Variants in BCAS3 observed in about 807,000 individuals in gnomAD.
BCAS3 encodes the protein BCAS4/BCAS3 fusion.
BCAS3 carries 53 observed loss-of-function variants against 116.1 expected under a neutral mutation model. The ratio of observed to expected loss-of-function variants is 0.46; its 90% CI spans 0.37 to 0.57. The LOEUF (loss-of-function observed/expected upper bound fraction) is 0.57, where lower values mean the gene tolerates loss of function less well. Ranked by LOEUF, BCAS3 falls within the 20% of genes least tolerant of loss-of-function variation. BCAS3 has a pLI of 0.00. For synonymous variants in BCAS3, 391 were observed against 408.2 expected, an observed-to-expected ratio of 0.96 and a Z score of 0.51; for missense variants, 917 against 1,165.4, an observed-to-expected ratio of 0.79 and a Z score of 3.10.
chr17:61,315,052 C>A lies in BCAS3; in HGVS notation c.2426-53275C>A, dbSNP rs556332097. Among the ~76,000 whole-genome samples, 2 of 152,236 alleles carry A rather than the reference C, an allele frequency of 1.3e-5. No homozygotes were observed. The highest frequency in any genetic ancestry group is 4.8e-5 in the African/African-American group (2 of 41,546). On this transcript the variant is annotated intron_variant, in intron 22 of 23. Transcript: ENST00000407086. This position sits in a 1 kb window ranked among gnomAD's most constrained non-coding sequence, Gnocchi z 5.3. ...GTGTGCCTGGAAAATGCCTTGAATC[C>A]TCTCCCCAGCATTCCAGGGGCAGTC...
At chr17:60,734,047 C>T (rs1262432433) in intron 5 of BCAS3, among the ~76,000 whole-genome samples, 1 of 151,960 alleles carries the variant, frequency 6.6e-6, no homozygotes, top group East Asian at 1.9e-4. Context: ...ATGGATGGTG[C>T]TATTGGTGTA....
chr17:60,922,491 C>G (rs934240362), intron 12 of BCAS3, among the ~76,000 whole-genome samples: 3 of 150,718 alleles, frequency 2.0e-5, no homozygotes, highest in Non-Finnish European at 4.4e-5. Flanking sequence ...TAGGAATAAG[C>G]ACTCTGTAAT....
rs1206221229 is a variant in BCAS3 at position 61,200,622 on chromosome 17, C to G, written c.2425+116058C>G. 6.6e-6 allele frequency among the ~76,000 whole-genome samples: 1 copy of G among 152,134 alleles called. No individual in the cohort carries two copies. Among genetic ancestry groups the G allele is most frequent in the Non-Finnish European group, 1.5e-5 (1 of 68,028 alleles). ...ACTAGAGCGTATTTCTTTTGATTAT[C>G]AATGCGGGTGGTAGTGAGGTATCCT... On this transcript the variant is annotated intron_variant, in intron 22 of 23. Coordinates refer to ENST00000407086, the MANE Select transcript of BCAS3 (RefSeq NM_017679.5). The surrounding 1 kb of genome is among the most constrained non-coding windows in gnomAD (Gnocchi z 5.1).
chr17:60,872,489 T>G (rs1363803675), intron 8 of BCAS3, among the ~76,000 whole-genome samples: 3 of 148,164 alleles, frequency 2.0e-5, no homozygotes, highest in Non-Finnish European at 4.4e-5. Flanking sequence ...TGTATATATC[T>G]GTATGTATAT....
At chr17:60,843,674 G>C (rs1283524537) in intron 7 of BCAS3, among the ~76,000 whole-genome samples, 1 of 152,034 alleles carries the variant, frequency 6.6e-6, no homozygotes, top group African/African-American at 2.4e-5. Flanking sequence ...GCTTATATTA[G>C]CTATTTAAAG....
chr17:61,109,741 T>G (rs1161931282), intron 22 of BCAS3, among the ~76,000 whole-genome samples: 1 of 152,244 alleles, frequency 6.6e-6, no homozygotes, highest in Non-Finnish European at 1.5e-5. Flanking sequence ...ATATCTTCTT[T>G]TGAGAATTGT....
At chr17:61,245,776 T>C (rs2047890186) in intron 22 of BCAS3, among the ~76,000 whole-genome samples, 2 of 152,078 alleles carry the variant, frequency 1.3e-5, no homozygotes, top group Non-Finnish European at 2.9e-5. Context: ...TTAGTACTTC[T>C]TTTTCATGTT....
intron 22 of BCAS3, among the ~76,000 whole-genome samples, chr17:61,345,467 A>G (rs998784735): frequency 1.3e-5 from 2 of 152,080 alleles, no homozygotes; most frequent in East Asian, 3.9e-4. Flanking sequence ...AGGAAGAAAT[A>G]CAGGAGGGAA....
chr17:60,952,639 C>T (rs2060907879), intron 14 of BCAS3, among the ~76,000 whole-genome samples: 1 of 151,988 alleles, frequency 6.6e-6, no homozygotes, highest in African/African-American at 2.4e-5. Flanking sequence ...ATTTTAAGTT[C>T]AGGGGTACAT....
chr17:60,860,188 A>G (rs969021520), intron 7 of BCAS3, among the ~76,000 whole-genome samples: 3 of 152,194 alleles, frequency 2.0e-5, no homozygotes, highest in Non-Finnish European at 4.4e-5. Context: ...AGTAATAGCC[A>G]TTCTGACTGG....
At chr17:61,191,730 G>C (rs953244242) in intron 22 of BCAS3, among the ~76,000 whole-genome samples, 1 of 149,342 alleles carries the variant, frequency 6.7e-6, no homozygotes, top group South Asian at 2.1e-4. Flanking sequence ...AGCCGAGATC[G>C]CACCATTGCA....
intron 22 of BCAS3, among the ~76,000 whole-genome samples, chr17:61,223,009 A>C (rs752351777): frequency 6.6e-6 from 1 of 152,188 alleles, no homozygotes; most frequent in Non-Finnish European, 1.5e-5. Context: ...GGTTGTTCCC[A>C]AAATCACTAG....
chr17:60,937,045 A>G (rs1321309298), intron 13 of BCAS3, among the ~76,000 whole-genome samples: 2 of 152,222 alleles, frequency 1.3e-5, no homozygotes, highest in East Asian at 3.9e-4. Context: ...TATAAGGTGT[A>G]AGGAAGGGAT....
At chr17:61,247,342 A>G (rs2048051172) in intron 22 of BCAS3, among the ~76,000 whole-genome samples, 1 of 152,196 alleles carries the variant, frequency 6.6e-6, no homozygotes, top group Non-Finnish European at 1.5e-5. Flanking sequence ...CCGTTCAATC[A>G]GAAATAATGA....
At chr17:61,091,414 C>T (rs762699832) in intron 22 of BCAS3, among the ~76,000 whole-genome samples, 7 of 152,142 alleles carry the variant, frequency 4.6e-5, no homozygotes, top group Admixed American at 6.5e-5. Context: ...GTTGGGGGCA[C>T]TATTAGAATT....
rs1029216797 is a variant in BCAS3, at chr17:60,962,755, A to T, written c.1221+15403A>T. Among the ~76,000 whole-genome samples, 2 of 152,072 alleles carry T rather than the reference A, an allele frequency of 1.3e-5. No individual in the cohort carries two copies. ...AAGCTTCTTAGCTTCAGGTAATCCC[A>T]TTTGTCTATTTTGCTTTGGTTGTCT... On this transcript the variant is annotated intron_variant, in intron 14 of 23. Transcript: ENST00000407086. The surrounding 1 kb of genome is among the most constrained non-coding windows in gnomAD (Gnocchi z 4.4).
intron 22 of BCAS3, among the ~76,000 whole-genome samples, chr17:61,277,993 C>A (rs1399211957): frequency 6.6e-6 from 1 of 152,184 alleles, no homozygotes; most frequent in Non-Finnish European, 1.5e-5. Flanking sequence ...CAGGTGTATA[C>A]CCAAAAGAAA....
rs920341448 is a variant in BCAS3, at chr17:61,155,496, A to C, written c.2425+70932A>C. On this transcript the variant is annotated intron_variant, in intron 22 of 23. Coordinates refer to ENST00000407086, the MANE Select transcript of BCAS3 (RefSeq NM_017679.5). ...TAAATAACAGGTTAGAGTGGTAGCAAAAAAAAAAAAAAAAAGTCTAATATT... is the reference window on the plus strand; with the variant it reads ...TAAATAACAGGTTAGAGTGGTAGCACAAAAAAAAAAAAAAAGTCTAATATT... 0.036 allele frequency among the ~76,000 whole-genome samples: 488 copies of C among 13,416 alleles called. 2 individuals carry two copies. The Non-Finnish European group carries it at 0.38, about 10-fold the overall frequency. 8.8% of individuals were successfully genotyped at this position (13,416 alleles called of 152,430 possible). A position where few individuals can be genotyped will look rare whatever the true frequency, so the allele number is the denominator to read the frequency against.
Position 60,955,575 on chromosome 17 carries a change from G to A in BCAS3, c.1221+8223G>A, listed in dbSNP as rs577015979. Among the ~76,000 whole-genome samples, 4 of 151,856 alleles carry A rather than the reference G, an allele frequency of 2.6e-5. No individual in the cohort carries two copies. In the South Asian group the frequency reaches 8.3e-4, roughly 32 times the overall value. ...TTTTTGTAATTTTAGTAGAGATGGG[G>A]TTTCACCATGTTGGTGGCCAGGATG... is the stretch of plus-strand genomic sequence containing the variant. On this transcript the variant is annotated intron_variant, in intron 14 of 23. Coordinates refer to ENST00000407086, the MANE Select transcript of BCAS3 (RefSeq NM_017679.5).
Sources: gnomAD v4.1 joint callset for allele counts (sites outside exome capture counted in the v4.1 genomes callset) on GRCh38, gnomAD v4.1.1 for gene constraint, Gnocchi (gnomAD v3.1) non-coding constraint, MANE v1.5 for transcripts, NCBI Gene and HGNC (gene_info 2026-07-23, HGNC 2026-07-21) for gene names.